Variants in PTPRG observed in about 807,000 individuals in gnomAD.
The protein encoded by PTPRG is receptor-type tyrosine-protein phosphatase gamma.
PTPRG carries 102 observed loss-of-function variants against 165.3 expected under a neutral mutation model. The ratio of observed to expected loss-of-function variants is 0.62; its 90% CI spans 0.53 to 0.73. The LOEUF is 0.73. Among genes scored for constraint, PTPRG ranks in the 30% least tolerant of loss-of-function variants. PTPRG has a pLI of 0.00. For missense variants in PTPRG, 1,866 were observed against 1,861.4 expected (o/e 1.00, Z -0.05); for synonymous variants, 675 against 669.5 (o/e 1.01, Z -0.13).
At position 61,759,000 on chromosome 3, in the gene PTPRG, C is replaced by G. The variant is rs1575640152; in HGVS notation, c.190+10018C>G. Among the ~76,000 whole-genome samples, 4 of 152,254 alleles carry G rather than the reference C, an allele frequency of 2.6e-5. No homozygotes were observed. The East Asian group carries it at 7.7e-4, about 29-fold the overall frequency. On this transcript the variant is annotated intron_variant, in intron 2 of 29. Coordinates refer to ENST00000474889, the MANE Select transcript of PTPRG (RefSeq NM_002841.4). ...TCCCTATGCAATAGTCTTATATGAT[C>G]CTGTTGTGCTCAGTCCACCTGGCAT...
intron 1 of PTPRG, 70 bp downstream of exon 1, chr3:61,562,442 G>A: frequency 6.7e-7 from 1 of 1,498,444 alleles, no homozygotes; most frequent in East Asian, 2.3e-5. Context: ...TGTCGCCTGG[G>A]CGCGGAGCTC....
chr3:61,844,082 G>T (rs1382816825), intron 2 of PTPRG, among the ~76,000 whole-genome samples: 1 of 151,246 alleles, frequency 6.6e-6, no homozygotes, highest in Admixed American at 6.6e-5. Flanking sequence ...TCCTGCCTCA[G>T]CCTCCCGAGT....
At chr3:62,014,577 C>T (rs142301958) in intron 4 of PTPRG, among the ~76,000 whole-genome samples, 1 of 152,152 alleles carries the variant, frequency 6.6e-6, no homozygotes, top group East Asian at 1.9e-4. Context: ...TTCTAAAATT[C>T]AGTATTTCAG....
chr3:61,759,752 T>G (rs1053047453), intron 2 of PTPRG, among the ~76,000 whole-genome samples: 5 of 152,086 alleles, frequency 3.3e-5, no homozygotes, highest in Non-Finnish European at 7.4e-5. Flanking sequence ...GACTCTCCTG[T>G]GATACAAATA....
intron 1 of PTPRG, among the ~76,000 whole-genome samples, chr3:61,600,656 C>T (rs1700838926): frequency 1.3e-5 from 2 of 152,162 alleles, no homozygotes; most frequent in African/African-American, 2.4e-5. Flanking sequence ...CCTCCCACTT[C>T]AGCCTCCTAA....
chr3:61,581,284 C>G (rs1024714448), intron 1 of PTPRG, among the ~76,000 whole-genome samples: 1 of 152,148 alleles, frequency 6.6e-6, no homozygotes, highest in African/African-American at 2.4e-5. Flanking sequence ...CATGCCACAC[C>G]TGTTAATTAG....
At chr3:61,863,004 T>C (rs772749710) in intron 2 of PTPRG, among the ~76,000 whole-genome samples, 5 of 152,064 alleles carry the variant, frequency 3.3e-5, no homozygotes, top group Non-Finnish European at 5.9e-5. Context: ...GGTTTAACAG[T>C]CAATAAAATC....
chr3:62,284,850 A>G (rs1038411778), intron 28 of PTPRG, among the ~76,000 whole-genome samples: 1 of 152,124 alleles, frequency 6.6e-6, no homozygotes, highest in African/African-American at 2.4e-5. Flanking sequence ...AAAATCTTTT[A>G]CAATCTAGTG....
chr3:61,903,981 T>C (rs1279809671), intron 2 of PTPRG, among the ~76,000 whole-genome samples: 2 of 152,210 alleles, frequency 1.3e-5, no homozygotes, highest in East Asian at 3.8e-4. Flanking sequence ...GCCAGAAAGA[T>C]GGATGTCATT....
chr3:61,745,593 G>A (rs1319181053), intron 1 of PTPRG, among the ~76,000 whole-genome samples: 1 of 152,184 alleles, frequency 6.6e-6, no homozygotes, highest in East Asian at 1.9e-4. Context: ...ACCTTCTTGG[G>A]ATGGCCCTGT....
chr3:62,131,221 C>CT (rs1388339118), intron 5 of PTPRG, among the ~76,000 whole-genome samples: 1 of 152,132 alleles, frequency 6.6e-6, no homozygotes, highest in South Asian at 2.1e-4. Context: ...TCAGTAGCCC[C>CT]TCCCCTTCTC....
At chr3:61,714,625 T>C (rs1176587656) in intron 1 of PTPRG, among the ~76,000 whole-genome samples, 1 of 152,178 alleles carries the variant, frequency 6.6e-6, no homozygotes, top group Non-Finnish European at 1.5e-5. Flanking sequence ...TCAAGTTGTG[T>C]TCTTAGAGAA....
At chr3:62,052,998 T>G (rs543560554) in intron 4 of PTPRG, among the ~76,000 whole-genome samples, 15 of 152,198 alleles carry the variant, frequency 9.9e-5, no homozygotes, top group Non-Finnish European at 2.2e-4. Context: ...ACGCATTAAT[T>G]TTTAAACCAT....
chr3:61,749,659 A>G (rs1194294553), intron 2 of PTPRG: 1 of 154,416 alleles, frequency 6.5e-6, no homozygotes, highest in Non-Finnish European at 1.4e-5. Context: ...CTCCCAAAAT[A>G]TGAGAGGTGG....
intron 5 of PTPRG, among the ~76,000 whole-genome samples, chr3:62,089,519 T>C (rs1309593047): frequency 1.3e-5 from 2 of 152,242 alleles, no homozygotes; most frequent in East Asian, 3.8e-4. Context: ...TCCTGCCTTT[T>C]AACTTGCCAT....
intron 2 of PTPRG, among the ~76,000 whole-genome samples, chr3:61,927,332 C>T (rs2039245025): frequency 6.6e-6 from 1 of 152,172 alleles, no homozygotes; most frequent in African/African-American, 2.4e-5. Flanking sequence ...TCTGTGCTTG[C>T]AGTCTTCTTT....
At chr3:62,225,657 CT>C (rs770451766) in intron 13 of PTPRG, among the ~76,000 whole-genome samples, 2,674 of 137,370 alleles carry the variant, frequency 0.019, 26 homozygotes, top group African/African-American at 0.021. Flanking sequence ...AGCAAAAAAC[CT>C]TTTTTTTTTT....
intron 2 of PTPRG, among the ~76,000 whole-genome samples, chr3:61,871,482 G>A (rs1220895493): frequency 6.6e-6 from 1 of 151,986 alleles, no homozygotes; most frequent in African/African-American, 2.4e-5. Context: ...GGGATTATAG[G>A]CATGAGCTAC....
chr3:62,242,248 TAAAGGCAGCTACGC>T (rs1267514161), intron 14 of PTPRG, among the ~76,000 whole-genome samples: 1 of 152,178 alleles, frequency 6.6e-6, no homozygotes, highest in Non-Finnish European at 1.5e-5. Flanking sequence ...CAAATTTAGG[TAAAGGCAGCTACGC>T]AAAGAGTGAT....
Sources: gnomAD v4.1 joint callset for allele counts (sites outside exome capture counted in the v4.1 genomes callset) on GRCh38, gnomAD v4.1.1 for gene constraint, MANE v1.5 for transcripts, NCBI Gene and HGNC (gene_info 2026-07-23, HGNC 2026-07-21) for gene names.